The following NEGR1 variants were observed in gnomAD, a reference collection of about 807,000 sequenced individuals.
NEGR1 encodes IgLON family member 4.
In NEGR1, 10 loss-of-function variants were observed where a neutral mutation model predicts 40.9. The ratio of observed to expected loss-of-function variants is 0.24; its 90% CI spans 0.15 to 0.42. The LOEUF is 0.42. Ranked by LOEUF, NEGR1 falls within the 10% of genes least tolerant of loss-of-function variation. The pLI, the probability that NEGR1 is intolerant of heterozygous loss-of-function variation, is 1.00. For synonymous variants in NEGR1, 185 were observed against 166.8 expected (o/e 1.11, Z -0.84); for missense variants, 352 against 438.9 (o/e 0.80, Z 1.77).
Position 71,403,024 on chromosome 1 carries a change from G to T in NEGR1, c.*4422C>A, listed in dbSNP as rs905683289. ...TGGTGTATATAGATTTCTCAGAATA[G>T]CAATGATACTTATATTTCAAAATAG... On this transcript the variant is annotated 3_prime_UTR_variant, in exon 7 of 7. Transcript: ENST00000357731. 3.9e-5 allele frequency: 6 copies of T among 152,014 alleles called. No individual in the cohort carries two copies. In the East Asian group the frequency reaches 7.7e-4, roughly 20 times the overall value. The allele number at this position is 152,014 out of a possible 1,614,324, so 9.4% of individuals were successfully genotyped here. A position where few individuals can be genotyped will look rare whatever the true frequency, so the allele number is the denominator to read the frequency against.
At chr1:71,714,790 C>T (rs1379505460) in intron 3 of NEGR1, among the ~76,000 whole-genome samples, 4 of 152,210 alleles carry the variant, frequency 2.6e-5, no homozygotes. Context: ...CAGCTGCTCT[C>T]CCAGCTGCTT....
chr1:71,864,187 T>C (rs1223562121), intron 2 of NEGR1, among the ~76,000 whole-genome samples: 4 of 152,176 alleles, frequency 2.6e-5, no homozygotes, highest in African/African-American at 9.7e-5. Flanking sequence ...ACAGGTTTCA[T>C]GGTACCACCT....
At chr1:72,276,476 A>C (rs1024856091) in intron 1 of NEGR1, among the ~76,000 whole-genome samples, 1 of 152,160 alleles carries the variant, frequency 6.6e-6, no homozygotes, top group Non-Finnish European at 1.5e-5. Flanking sequence ...GAATCTCATC[A>C]ATAAATGTTC....
intron 6 of NEGR1, among the ~76,000 whole-genome samples, chr1:71,458,500 A>G (rs958492652): frequency 6.6e-6 from 1 of 152,164 alleles, no homozygotes; most frequent in Non-Finnish European, 1.5e-5. Flanking sequence ...TTATTTTTGA[A>G]TGTCAAGTTG....
At chr1:72,272,991 T>C (rs1443262147) in intron 1 of NEGR1, among the ~76,000 whole-genome samples, 9 of 151,982 alleles carry the variant, frequency 5.9e-5, no homozygotes, top group East Asian at 1.9e-4. Flanking sequence ...CCAATTCCCA[T>C]GCCAGCTGAA....
At chr1:72,275,292 A>T in intron 1 of NEGR1, 1 of 453,562 alleles carries the variant, frequency 2.2e-6, no homozygotes, top group Admixed American at 3.7e-5. Flanking sequence ...CAGCAGAGTA[A>T]TTAAAACTCA....
chr1:72,189,227 T>C (rs1216407179), intron 1 of NEGR1, among the ~76,000 whole-genome samples: 1 of 151,520 alleles, frequency 6.6e-6, no homozygotes, highest in African/African-American at 2.4e-5. Context: ...TCTTGGAATG[T>C]TCTCTCCCAA....
At chr1:71,951,057 C>T (rs1434438432) in intron 1 of NEGR1, among the ~76,000 whole-genome samples, 1 of 151,592 alleles carries the variant, frequency 6.6e-6, no homozygotes, top group Non-Finnish European at 1.5e-5. Context: ...GGACTTAGTA[C>T]AAAAAATAGG....
intron 6 of NEGR1, among the ~76,000 whole-genome samples, chr1:71,581,611 G>A (rs924075209): frequency 6.6e-6 from 1 of 151,884 alleles, no homozygotes; most frequent in Admixed American, 6.6e-5. Flanking sequence ...ATCAGTGAAA[G>A]AATCTGTGAG....
Position 71,739,831 on chromosome 1 carries a change from CT to C in NEGR1, c.535+36340del, listed in dbSNP as rs536573777. On this transcript the variant is annotated intron_variant, in intron 3 of 6. Coordinates refer to ENST00000357731, the MANE Select transcript of NEGR1 (RefSeq NM_173808.3). The stretch of plus-strand genomic sequence containing the variant: ...TTTGTCTTTATAAAGCATGTCTCTA[CT>C]TAGATTATTAATTTGCCAAAAATAT... Among the ~76,000 whole-genome samples the C allele has an allele frequency of 1.6e-4, 25 of 152,102 alleles. 1 individual carries two copies. The highest frequency in any genetic ancestry group is 3.1e-4 in the Non-Finnish European group (21 of 68,012).
At chr1:71,522,423 A>G (rs1223219246) in intron 6 of NEGR1, among the ~76,000 whole-genome samples, 1 of 151,884 alleles carries the variant, frequency 6.6e-6, no homozygotes, top group Non-Finnish European at 1.5e-5. Context: ...GTGTCTGAGT[A>G]TAATCTCATT....
chr1:72,004,434 T>G (rs1354981239), intron 1 of NEGR1, among the ~76,000 whole-genome samples: 1 of 152,040 alleles, frequency 6.6e-6, no homozygotes, highest in Non-Finnish European at 1.5e-5. Context: ...TATCTGGGAT[T>G]TCAGGCATGC....
At chr1:72,145,390 T>C (rs1650868377) in intron 1 of NEGR1, among the ~76,000 whole-genome samples, 1 of 152,164 alleles carries the variant, frequency 6.6e-6, no homozygotes, top group African/African-American at 2.4e-5. Flanking sequence ...AATTGAGTTG[T>C]TGAACAGCAT....
intron 1 of NEGR1, among the ~76,000 whole-genome samples, chr1:72,216,861 A>G (rs1174345134): frequency 6.6e-6 from 1 of 151,522 alleles, no homozygotes; most frequent in Non-Finnish European, 1.5e-5. Flanking sequence ...TATACCTTAA[A>G]CTGATTTAAA....
intron 2 of NEGR1, among the ~76,000 whole-genome samples, chr1:71,921,669 GAAT>G (rs1310701163): frequency 1.4e-5 from 2 of 140,382 alleles, no homozygotes; most frequent in East Asian, 2.1e-4. Flanking sequence ...AATATATATA[GAAT>G]ATTATATATA....
At chr1:71,909,653 T>G (rs1169247048) in intron 2 of NEGR1, among the ~76,000 whole-genome samples, 5 of 152,222 alleles carry the variant, frequency 3.3e-5, no homozygotes, top group Admixed American at 6.5e-5. Flanking sequence ...GGTTTTTATG[T>G]GATTTTAGAA....
chr1:71,575,684 G>A (rs910334128), intron 6 of NEGR1, among the ~76,000 whole-genome samples: 5 of 152,200 alleles, frequency 3.3e-5, no homozygotes, highest in South Asian at 2.1e-4. Context: ...TCGGGAGGCC[G>A]AGGCAGGAGA....
intron 6 of NEGR1, among the ~76,000 whole-genome samples, chr1:71,562,803 G>A (rs901873965): frequency 1.3e-5 from 2 of 151,876 alleles, no homozygotes; most frequent in East Asian, 1.9e-4. Flanking sequence ...TCTTGCTCAC[G>A]TAAACAGTTC....
chr1:72,186,682 G>T (rs1652623140), intron 1 of NEGR1, among the ~76,000 whole-genome samples: 1 of 151,578 alleles, frequency 6.6e-6, no homozygotes, highest in Non-Finnish European at 1.5e-5. Flanking sequence ...TCAATCTGAG[G>T]CTTCCCAATT....
Sources: gnomAD v4.1 joint callset for allele counts (sites outside exome capture counted in the v4.1 genomes callset) on GRCh38, gnomAD v4.1.1 for gene constraint, MANE v1.5 for transcripts, NCBI Gene and HGNC (gene_info 2026-07-23, HGNC 2026-07-21) for gene names.